The following NDUFB5 variants were observed in gnomAD, a reference collection of about 807,000 sequenced individuals.
NDUFB5 encodes the protein NADH:ubiquinone oxidoreductase subunit B5, also known as NADH dehydrogenase [ubiquinone] 1 beta subcomplex subunit 5, mitochondrial.
Under a neutral mutation model 19.4 loss-of-function variants are expected in NDUFB5, and 19 were observed. That is an observed-to-expected ratio of 0.98 (90% CI 0.68 to 1.43). The LOEUF (loss-of-function observed/expected upper bound fraction) is 1.43, where lower values mean the gene tolerates loss of function less well. Among genes scored for constraint, NDUFB5 ranks in the 40% most tolerant of loss-of-function variants. NDUFB5 has a pLI of 0.00. For missense variants in NDUFB5, 233 were observed against 236.5 expected (o/e 0.99, Z 0.10); for synonymous variants, 80 against 82.6 (o/e 0.97, Z 0.17).
intron 5 of NDUFB5, among the ~76,000 whole-genome samples, chr3:179,622,249 C>T (rs1475912564): frequency 6.6e-6 from 1 of 152,206 alleles, no homozygotes; most frequent in African/African-American, 2.4e-5. Flanking sequence ...GCCTTGGCCT[C>T]CCATAGTGCT....
chr3:179,612,476 T>G (rs1719267890), intron 1 of NDUFB5, among the ~76,000 whole-genome samples: 1 of 90,238 alleles, frequency 1.1e-5, no homozygotes, highest in East Asian at 2.8e-4. Flanking sequence ...GCATTAAACC[T>G]TTTTTTTTTT....
intron 5 of NDUFB5, among the ~76,000 whole-genome samples, chr3:179,620,194 T>C (rs898155970): frequency 6.6e-6 from 1 of 152,218 alleles, no homozygotes; most frequent in African/African-American, 2.4e-5. Context: ...CAGAGCTCTT[T>C]AGTTTAATTA....
intron 1 of NDUFB5, among the ~76,000 whole-genome samples, chr3:179,608,818 T>C (rs1719168530): frequency 6.6e-6 from 1 of 152,168 alleles, no homozygotes; most frequent in African/African-American, 2.4e-5. Context: ...AACTTGTTTG[T>C]GGAGGCCTGG....
At chr3:179,609,891 A>T (rs1182360254) in intron 1 of NDUFB5, among the ~76,000 whole-genome samples, 1 of 152,074 alleles carries the variant, frequency 6.6e-6, no homozygotes, top group East Asian at 1.9e-4. Flanking sequence ...CCATTTGTGT[A>T]TATATCTTCT....
At chr3:179,609,960 C>T (rs771679705) in intron 1 of NDUFB5, among the ~76,000 whole-genome samples, 8 of 152,004 alleles carry the variant, frequency 5.3e-5, no homozygotes, top group Non-Finnish European at 1.0e-4. Context: ...TATTTTTTAA[C>T]TTGAGTATGA....
At chr3:179,618,369 G>C in intron 4 of NDUFB5, 46 bp from the exon 5 acceptor site, 1 of 1,252,436 alleles carries the variant, frequency 8.0e-7, no homozygotes, top group East Asian at 2.4e-5. Context: ...GAAAAGCAAA[G>C]TATTATTCAG....
chr3:179,609,850 T>C (rs942958444), intron 1 of NDUFB5, among the ~76,000 whole-genome samples: 9 of 152,184 alleles, frequency 5.9e-5, no homozygotes, highest in African/African-American at 2.2e-4. Flanking sequence ...TCTAATTAGT[T>C]TTGTTGAGCA....
intron 1 of NDUFB5, among the ~76,000 whole-genome samples, chr3:179,607,180 T>C (rs1719128029): frequency 6.6e-6 from 1 of 152,220 alleles, no homozygotes; most frequent in Non-Finnish European, 1.5e-5. Flanking sequence ...AAGGTTCTAA[T>C]AGCTATGTTT....
At chr3:179,620,571 C>T (rs1355593882) in intron 5 of NDUFB5, among the ~76,000 whole-genome samples, 1 of 152,098 alleles carries the variant, frequency 6.6e-6, no homozygotes. Flanking sequence ...TGTTTTGGTA[C>T]CAGTACCATG....
intron 5 of NDUFB5, 32 bp from the exon 6 acceptor site, chr3:179,623,888 G>C (rs923032794): frequency 1.2e-5 from 19 of 1,611,808 alleles, no homozygotes; most frequent in Non-Finnish European, 1.5e-5. Flanking sequence ...GGAAGTGCTG[G>C]AATCTCAATA....
intron 5 of NDUFB5, among the ~76,000 whole-genome samples, chr3:179,621,172 G>A (rs757545166): frequency 6.6e-6 from 1 of 151,970 alleles, no homozygotes. Flanking sequence ...TGGTCTCCTG[G>A]GTTCAAGCTG....
chr3:179,620,530 G>T (rs1719508158), intron 5 of NDUFB5, among the ~76,000 whole-genome samples: 1 of 152,070 alleles, frequency 6.6e-6, no homozygotes, highest in Non-Finnish European at 1.5e-5. Context: ...TATTTCTGAG[G>T]GCTCTGTTCT....
chr3:179,607,099 C>G (rs1036597704), intron 1 of NDUFB5, among the ~76,000 whole-genome samples: 3 of 152,212 alleles, frequency 2.0e-5, no homozygotes, highest in Admixed American at 2.0e-4. Context: ...TCTCTTTCCA[C>G]ATTATTGCCC....
intron 1 of NDUFB5, among the ~76,000 whole-genome samples, chr3:179,612,918 A>T (rs996527405): frequency 1.3e-5 from 2 of 152,200 alleles, no homozygotes; most frequent in Non-Finnish European, 2.9e-5. Flanking sequence ...GATAAGCGAC[A>T]GGGAAGATCA....
chr3:179,612,173 C>G (rs1048381301), intron 1 of NDUFB5, among the ~76,000 whole-genome samples: 3 of 151,804 alleles, frequency 2.0e-5, no homozygotes, highest in Admixed American at 2.0e-4. Flanking sequence ...ATCCTGAAGG[C>G]TCAAAACATT....
At chr3:179,619,380 G>T (rs1719469315) in intron 5 of NDUFB5, among the ~76,000 whole-genome samples, 1 of 151,222 alleles carries the variant, frequency 6.6e-6, no homozygotes, top group South Asian at 2.1e-4. Flanking sequence ...GCCCCAGTGT[G>T]TGATGTTCCC....
rs1719611276 is a variant in NDUFB5 at position 179,624,226 on chromosome 3, G to T, written c.*186G>T. 1 of 436,944 alleles carries T rather than the reference G, an allele frequency of 2.3e-6. No individual in the cohort carries two copies. Among genetic ancestry groups the T allele is most frequent in the Middle Eastern group, 6.4e-4 (1 of 1,574 alleles). 27.1% of individuals were successfully genotyped at this position (436,944 alleles called of 1,614,324 possible). The stretch of plus-strand genomic sequence containing the variant: ...CCAGTCCCCAAAGAAGGTTTAAAAT[G>T]TACTAATAAAAACTGGAGAAATAGG... On this transcript the variant is annotated 3_prime_UTR_variant, in exon 6 of 6. Coordinates refer to ENST00000259037, the MANE Select transcript of NDUFB5 (RefSeq NM_002492.4).
rs1257960991 is a variant in NDUFB5 at position 179,625,218 on chromosome 3, C to T, written c.*1178C>T. ...TTCCAAAATGGCTTTTTACCATAAACATTCAGGATTTTCAAACCTGTAACA... is the reference window on the plus strand; with the variant it reads ...TTCCAAAATGGCTTTTTACCATAAATATTCAGGATTTTCAAACCTGTAACA... On this transcript the variant is annotated 3_prime_UTR_variant, in exon 6 of 6. Transcript: ENST00000259037. The T allele has an allele frequency of 6.6e-6, 1 of 152,152 alleles. No individual in the cohort carries two copies. Among genetic ancestry groups the T allele is most frequent in the East Asian group, 1.9e-4 (1 of 5,204 alleles). The allele number at this position is 152,152 out of a possible 1,614,324, so 9.4% of individuals were successfully genotyped here. A position where few individuals can be genotyped will look rare whatever the true frequency, so the allele number is the denominator to read the frequency against.
At chr3:179,607,767 A>ACCACCATTCTGCTGT in intron 1 of NDUFB5, 1 of 701,560 alleles carries the variant, frequency 1.4e-6, no homozygotes, top group South Asian at 1.5e-5. Context: ...GCCCCTGGTA[A>ACCACCATTCTGCTGT]CCACCATTCT....
Sources: allele counts gnomAD v4.1 joint callset (sites outside exome capture counted in the v4.1 genomes callset), GRCh38; gene constraint gnomAD v4.1.1; transcripts MANE v1.5; gene names NCBI Gene and HGNC (gene_info 2026-07-23, HGNC 2026-07-21).